SH2D1A: variants seen among roughly 807,000 people sequenced by gnomAD.
The protein encoded by SH2D1A is SH2 domain-containing protein 1A.
In SH2D1A, 6 loss-of-function variants were observed where a neutral mutation model predicts 10.1. That is an observed-to-expected ratio of 0.60 (90% CI 0.33 to 1.18). The LOEUF is 1.18. Among genes scored for constraint, SH2D1A ranks in the 50% most tolerant of loss-of-function variants. The probability of loss-of-function intolerance (pLI) is 0.04; values close to 1 mark genes in which losing one functional copy is unlikely to be tolerated. For missense variants in SH2D1A, 51 were observed against 97.6 expected (o/e 0.52, Z 2.01); for synonymous variants, 42 against 36.9 (o/e 1.14, Z -0.51).
chrX:124,365,916 A>G, intron 2 of SH2D1A, 92 bp downstream of exon 2: 4 of 572,822 alleles, frequency 7.0e-6, no homozygotes, highest in Admixed American at 2.4e-5. Context: ...TACATTATTA[A>G]GTATTCATAA....
intron 2 of SH2D1A, among the ~76,000 whole-genome samples, chrX:124,369,163 G>A (rs776473534): frequency 2.7e-5 from 3 of 110,704 alleles, no homozygotes; most frequent in Admixed American, 9.6e-5. Flanking sequence ...TCGCCTTCAT[G>A]TTTTCTCATT....
chrX:124,357,841 A>G lies in SH2D1A; in HGVS notation c.138-7920A>G, dbSNP rs370201267. On this transcript the variant is annotated intron_variant, in intron 1 of 3. Coordinates refer to ENST00000371139, the MANE Select transcript of SH2D1A (RefSeq NM_002351.5). ...TTTATTTTATTTTATTTTTTTTGCA[A>G]TGGTGTCTCGGTCTGTCGCCCAGGC... is the stretch of plus-strand genomic sequence containing the variant. Among the ~76,000 whole-genome samples the G allele has an allele frequency of 3.1e-4, 34 of 108,029 alleles. 1 individual carries two copies. The South Asian group carries it at 0.013, about 42-fold the overall frequency. The allele number at this position is 108,029 out of a possible 115,157, so 93.8% of individuals were successfully genotyped here. A position where few individuals can be genotyped will look rare whatever the true frequency, so the allele number is the denominator to read the frequency against.
At chrX:124,370,709 G>C (rs1394586352) in intron 3 of SH2D1A, among the ~76,000 whole-genome samples, 1 of 111,947 alleles carries the variant, frequency 8.9e-6, no homozygotes, top group East Asian at 2.8e-4. Context: ...TTAGTAAACT[G>C]TTTTTTCCTT....
At position 124,350,579 on chromosome X, in the gene SH2D1A, T is replaced by A. The variant is rs1428942899; in HGVS notation, c.137+3800T>A. 1.3e-4 allele frequency among the ~76,000 whole-genome samples: 7 copies of A among 53,281 alleles called. No individual in the cohort carries two copies. The East Asian group carries it at 2.0e-3, about 15-fold the overall frequency. 46.3% of individuals were successfully genotyped at this position (53,281 alleles called of 115,157 possible). A position where few individuals can be genotyped will look rare whatever the true frequency, so the allele number is the denominator to read the frequency against. ...ATATATAGTATATTATATACTATAT[T>A]ATATAGTATAATATAGAATATATTA... On this transcript the variant is annotated intron_variant, in intron 1 of 3. Coordinates refer to ENST00000371139, the MANE Select transcript of SH2D1A (RefSeq NM_002351.5).
At chrX:124,351,159 A>G (rs1163137713) in intron 1 of SH2D1A, among the ~76,000 whole-genome samples, 1 of 100,423 alleles carries the variant, frequency 1.0e-5, no homozygotes, top group African/African-American at 3.6e-5. Context: ...TATTCTTACA[A>G]TTGTATACGT....
At chrX:124,363,138 A>G (rs1176020256) in intron 1 of SH2D1A, among the ~76,000 whole-genome samples, 1 of 111,950 alleles carries the variant, frequency 8.9e-6, no homozygotes, top group Non-Finnish European at 1.9e-5. Flanking sequence ...AACTCTTGGC[A>G]TGTAGTAGAA....
At chrX:124,349,966 A>C (rs1269198304) in intron 1 of SH2D1A, among the ~76,000 whole-genome samples, 1 of 104,217 alleles carries the variant, frequency 9.6e-6, no homozygotes, top group East Asian at 2.9e-4. Context: ...AATCATCTAT[A>C]GTTTTATAAC....
At chrX:124,350,164 T>C (rs1249649092) in intron 1 of SH2D1A, among the ~76,000 whole-genome samples, 1 of 71,968 alleles carries the variant, frequency 1.4e-5, no homozygotes, top group South Asian at 5.8e-4. Flanking sequence ...TATTTATATA[T>C]ATATAAATAT....
chrX:124,365,272 A>G (rs183491551), intron 1 of SH2D1A, among the ~76,000 whole-genome samples: 226 of 110,367 alleles, frequency 2.0e-3, no homozygotes, highest in African/African-American at 7.0e-3. Flanking sequence ...TATTCAATTT[A>G]TAGTATTATA....
intron 1 of SH2D1A, among the ~76,000 whole-genome samples, chrX:124,356,472 G>A (rs2060026848): frequency 8.9e-6 from 1 of 112,125 alleles, no homozygotes; most frequent in African/African-American, 3.2e-5. Flanking sequence ...TTTTGAGACG[G>A]AGTCTCTCTC....
intron 2 of SH2D1A, among the ~76,000 whole-genome samples, chrX:124,369,032 AT>A (rs916767946): frequency 3.6e-5 from 4 of 111,174 alleles, no homozygotes; most frequent in Non-Finnish European, 7.5e-5. Context: ...GCTAAAAAGA[AT>A]TTTTGTCATG....
chrX:124,363,072 C>T (rs1329262809), intron 1 of SH2D1A, among the ~76,000 whole-genome samples: 1 of 111,341 alleles, frequency 9.0e-6, no homozygotes, highest in Non-Finnish European at 1.9e-5. Flanking sequence ...TTTATTTATG[C>T]CATTCAAGGT....
chrX:124,361,094 T>G (rs1166827813), intron 1 of SH2D1A, among the ~76,000 whole-genome samples: 1 of 111,795 alleles, frequency 8.9e-6, no homozygotes, highest in Non-Finnish European at 1.9e-5. Context: ...CCTCCTAAAT[T>G]CACACGTTTA....
chrX:124,347,998 T>G (rs2059998331), intron 1 of SH2D1A, among the ~76,000 whole-genome samples: 1 of 111,468 alleles, frequency 9.0e-6, no homozygotes, highest in African/African-American at 3.3e-5. Flanking sequence ...CACAAGAGTT[T>G]GAAATACCTT....
At chrX:124,366,532 T>C (rs1177991242) in intron 2 of SH2D1A, among the ~76,000 whole-genome samples, 1 of 111,624 alleles carries the variant, frequency 9.0e-6, no homozygotes, top group Non-Finnish European at 1.9e-5. Context: ...ACAACTCCTA[T>C]TAATAACTCA....
chrX:124,356,399 T>C (rs2060026668), intron 1 of SH2D1A, among the ~76,000 whole-genome samples: 2 of 112,110 alleles, frequency 1.8e-5, no homozygotes, highest in African/African-American at 6.5e-5. Flanking sequence ...CTGGAAAACC[T>C]AAGACTCTAA....
At chrX:124,369,218 A>G (rs2147533462) in intron 2 of SH2D1A, among the ~76,000 whole-genome samples, 1 of 111,009 alleles carries the variant, frequency 9.0e-6, no homozygotes, top group Non-Finnish European at 1.9e-5. Context: ...AATCTACCAG[A>G]TGGAATAGCT....
intron 3 of SH2D1A, among the ~76,000 whole-genome samples, chrX:124,370,738 C>G (rs771760003): frequency 3.6e-5 from 4 of 112,046 alleles, no homozygotes; most frequent in Non-Finnish European, 7.5e-5. Context: ...TGAAAGCTAA[C>G]GTTAGCCTGG....
intron 1 of SH2D1A, among the ~76,000 whole-genome samples, chrX:124,355,196 G>T (rs1275127314): frequency 8.9e-6 from 1 of 112,074 alleles, no homozygotes; most frequent in African/African-American, 3.2e-5. Context: ...ACTTGACGTG[G>T]TATAAAAAAG....
Sources: gnomAD v4.1 joint callset for allele counts (sites outside exome capture counted in the v4.1 genomes callset) on GRCh38, gnomAD v4.1.1 for gene constraint, MANE v1.5 for transcripts, NCBI Gene and HGNC (gene_info 2026-07-23, HGNC 2026-07-21) for gene names.